RIMS2: variants seen among roughly 807,000 people sequenced by gnomAD.
RIMS2 encodes regulating synaptic membrane exocytosis protein 2.
RIMS2 carries 59 observed loss-of-function variants against 174.4 expected under a neutral mutation model. The observed-to-expected ratio is 0.34, with a 90% confidence interval of 0.27 to 0.42. The LOEUF (loss-of-function observed/expected upper bound fraction) is 0.42. Ranked by LOEUF, RIMS2 falls within the 10% of genes least tolerant of loss-of-function variation. The pLI, the probability that RIMS2 is intolerant of heterozygous loss-of-function variation, is 1.00. For synonymous variants in RIMS2, 606 were observed against 572.5 expected (o/e 1.06, Z -0.84); for missense variants, 1,620 against 1,666.3 (o/e 0.97, Z 0.48).
At chr8:103,517,276 T>G (rs1319143126) in intron 1 of RIMS2, among the ~76,000 whole-genome samples, 2 of 152,154 alleles carry the variant, frequency 1.3e-5, no homozygotes, top group Admixed American at 6.6e-5. Flanking sequence ...AAAAAGTATG[T>G]GGAGAAGAAG....
intron 1 of RIMS2, among the ~76,000 whole-genome samples, chr8:103,684,881 C>T (rs922565925): frequency 6.6e-6 from 1 of 152,128 alleles, no homozygotes; most frequent in South Asian, 2.1e-4. Context: ...GCCACTTCAC[C>T]TGGCACATAC....
Position 103,921,692 on chromosome 8 carries a change from CA to C in RIMS2, c.2110del (p.Met704TrpfsTer12). ...TTCAGGTTCTAGCTCCTTTGAATCT[CA>C]AAAAATGGATCGTCCTTCTATTTCT... On this transcript the variant is annotated frameshift_variant, in exon 10 of 24. Coordinates refer to ENST00000504942, the Ensembl canonical transcript of RIMS2. LOFTEE classifies it high-confidence loss of function. 7 of 1,509,538 alleles carry C rather than the reference CA, an allele frequency of 4.6e-6. No homozygotes were observed. Among genetic ancestry groups the C allele is most frequent in the Non-Finnish European group, 6.5e-6 (7 of 1,085,240 alleles). The allele number at this position is 1,509,538 out of a possible 1,614,324, so 93.5% of individuals were successfully genotyped here.
At chr8:103,640,855 G>A (rs1479377003) in intron 1 of RIMS2, among the ~76,000 whole-genome samples, 7 of 151,940 alleles carry the variant, frequency 4.6e-5, no homozygotes, top group Non-Finnish European at 8.8e-5. Flanking sequence ...ATTATAAAAT[G>A]TTCATTAGAT....
intron 13 of RIMS2, among the ~76,000 whole-genome samples, chr8:103,938,339 A>T (rs936550134): frequency 1.3e-5 from 2 of 152,124 alleles, no homozygotes; most frequent in Non-Finnish European, 2.9e-5. Context: ...TCTTACATGG[A>T]TGGTGGCAGG....
Position 103,728,843 on chromosome 8 carries a change from TTG to T in RIMS2, c.387+31549_387+31550del, listed in dbSNP as rs558397637. Among the ~76,000 whole-genome samples the T allele has an allele frequency of 1.3e-3, 199 of 151,670 alleles. 1 individual carries two copies. Among genetic ancestry groups the T allele is most frequent in the African/African-American group, 4.6e-3 (191 of 41,312 alleles). ...ATCAATTGAAATGATCGTGTGGTTT[TTG>T]TCCTTCATTCTGTTGACATGATGTA... On this transcript the variant is annotated intron_variant, in intron 2 of 23. Coordinates refer to ENST00000504942, the Ensembl canonical transcript of RIMS2.
At chr8:104,180,246 A>C (rs1047878351) in intron 19 of RIMS2, among the ~76,000 whole-genome samples, 7 of 151,890 alleles carry the variant, frequency 4.6e-5, no homozygotes, top group African/African-American at 1.7e-4. Context: ...ATTTTGAAAA[A>C]TATTGCAAAT....
chr8:103,926,806 TA>T (rs2078877800), intron 10 of RIMS2, among the ~76,000 whole-genome samples: 1 of 151,492 alleles, frequency 6.6e-6, no homozygotes, highest in South Asian at 2.1e-4. Context: ...GAATGCCTAA[TA>T]AAGGCACAAC....
intron 19 of RIMS2, among the ~76,000 whole-genome samples, chr8:104,205,189 G>A (rs1333671096): frequency 6.6e-6 from 1 of 152,092 alleles, no homozygotes; most frequent in Non-Finnish European, 1.5e-5. Context: ...CCATTTCAGA[G>A]TGTTTTTAGG....
intron 1 of RIMS2, among the ~76,000 whole-genome samples, chr8:103,582,069 T>C (rs771141887): frequency 3.6e-4 from 55 of 152,158 alleles, no homozygotes; most frequent in Non-Finnish European, 5.9e-4. Flanking sequence ...GGGAGGACTT[T>C]GTCTTGCATT....
intron 3 of RIMS2, among the ~76,000 whole-genome samples, chr8:103,882,485 T>G (rs1334387121): frequency 6.6e-6 from 1 of 151,624 alleles, no homozygotes; most frequent in Admixed American, 6.6e-5. Context: ...GTTAACATAC[T>G]GTAAGGTACT....
intron 2 of RIMS2, among the ~76,000 whole-genome samples, chr8:103,762,020 A>ATTT (rs201961741): frequency 7.2e-6 from 1 of 139,790 alleles, no homozygotes; most frequent in Non-Finnish European, 1.6e-5. Context: ...CCTAATGTAA[A>ATTT]TTTTTTTTTT....
intron 17 of RIMS2, among the ~76,000 whole-genome samples, chr8:104,012,031 C>A (rs2095778807): frequency 6.6e-6 from 1 of 151,886 alleles, no homozygotes; most frequent in Non-Finnish European, 1.5e-5. Flanking sequence ...CTTTTCATTT[C>A]TCTTACCATT....
At chr8:103,588,538 A>G (rs946698553) in intron 1 of RIMS2, among the ~76,000 whole-genome samples, 1 of 152,056 alleles carries the variant, frequency 6.6e-6, no homozygotes, top group Non-Finnish European at 1.5e-5. Context: ...CAAAAACAGC[A>G]TGGTACTGGC....
At chr8:103,601,169 A>C (rs1176048236) in intron 1 of RIMS2, among the ~76,000 whole-genome samples, 1 of 152,098 alleles carries the variant, frequency 6.6e-6, no homozygotes, top group Non-Finnish European at 1.5e-5. Flanking sequence ...TTGTTGATTC[A>C]ATTTGTTTAT....
rs555444569 is a variant in RIMS2, at chr8:104,054,079, AG to A, written c.3334+39465del. 1.7e-3 allele frequency among the ~76,000 whole-genome samples: 253 copies of A among 152,280 alleles called. 1 individual carries two copies. The highest frequency in any genetic ancestry group is 4.8e-3 in the African/African-American group (199 of 41,578). On this transcript the variant is annotated intron_variant, in intron 19 of 23. Coordinates refer to ENST00000504942, the Ensembl canonical transcript of RIMS2. The stretch of plus-strand genomic sequence containing the variant: ...AGTTACTGGAGCCAACATTACATTT[AG>A]AAAAAAGAAAAAAATAAAAACTCGG...
intron 2 of RIMS2, among the ~76,000 whole-genome samples, chr8:103,764,154 T>C (rs1361261986): frequency 2.0e-5 from 3 of 152,206 alleles, no homozygotes; most frequent in African/African-American, 7.2e-5. Flanking sequence ...CCTGCTTACC[T>C]TGTGAAAAAT....
At chr8:103,577,038 C>T (rs1328728412) in intron 1 of RIMS2, among the ~76,000 whole-genome samples, 1 of 152,132 alleles carries the variant, frequency 6.6e-6, no homozygotes, top group Non-Finnish European at 1.5e-5. Flanking sequence ...GACTAAAACA[C>T]CAAAAGCAAT....
At chr8:104,042,542 T>C (rs576078662) in intron 19 of RIMS2, among the ~76,000 whole-genome samples, 1 of 151,716 alleles carries the variant, frequency 6.6e-6, no homozygotes, top group South Asian at 2.1e-4. Context: ...TGAGAAGTTA[T>C]ATAAAGATGT....
intron 2 of RIMS2, among the ~76,000 whole-genome samples, chr8:103,737,669 T>C (rs1345792600): frequency 6.6e-6 from 1 of 152,202 alleles, no homozygotes; most frequent in Non-Finnish European, 1.5e-5. Context: ...ACTATCTTTC[T>C]AACATCTCAT....
Sources: allele counts gnomAD v4.1 joint callset (sites outside exome capture counted in the v4.1 genomes callset), GRCh38; gene constraint gnomAD v4.1.1; transcripts MANE v1.5; gene names NCBI Gene and HGNC (gene_info 2026-07-23, HGNC 2026-07-21).